SLIT3: variants seen among roughly 807,000 people sequenced by gnomAD.
The protein encoded by SLIT3 is slit homolog 3 protein.
SLIT3 carries 68 observed loss-of-function variants against 184.0 expected under a neutral mutation model. The ratio of observed to expected loss-of-function variants is 0.37; its 90% CI spans 0.30 to 0.45. The LOEUF (loss-of-function observed/expected upper bound fraction) is 0.45, where lower values mean the gene tolerates loss of function less well. SLIT3 is among the 20% of genes least tolerant of loss of function. SLIT3 has a pLI of 1.00. For synonymous variants in SLIT3, 831 were observed against 828.6 expected, an observed-to-expected ratio of 1.00 and a Z score of -0.05; for missense variants, 1,707 against 2,026.0, an observed-to-expected ratio of 0.84 and a Z score of 3.02.
rs769734545 is a variant in SLIT3, at chr5:168,795,598, A to C, written c.936-20T>G. 1 of 1,599,670 alleles carries C rather than the reference A, an allele frequency of 6.3e-7. No homozygotes were observed. The highest frequency in any genetic ancestry group is 8.6e-7 in the Non-Finnish European group (1 of 1,166,818). ...AGGCGTCTGGGAAACAGAGCAGAGAAGAGTGAATTAACCATCCACCTGTCA... is the reference window on the plus strand; with the variant it reads ...AGGCGTCTGGGAAACAGAGCAGAGACGAGTGAATTAACCATCCACCTGTCA... On this transcript the variant is annotated intron_variant, in intron 9 of 35. Coordinates refer to ENST00000519560, the MANE Select transcript of SLIT3 (RefSeq NM_003062.4).
At chr5:169,031,145 G>T (rs17666914) in intron 4 of SLIT3, among the ~76,000 whole-genome samples, 45,274 of 152,032 alleles carry the variant, frequency 0.3, 7,785 homozygotes, top group East Asian at 0.52. Flanking sequence ...ATGGCCCTGG[G>T]AAGCCTTGAA....
chr5:168,841,683 G>T (rs12515440), intron 6 of SLIT3, among the ~76,000 whole-genome samples: 20,542 of 152,114 alleles, frequency 0.14, 1,626 homozygotes, highest in East Asian at 0.25. Flanking sequence ...CAGCCTCGAT[G>T]GAAAGAAGTT....
chr5:169,202,524 A>AT (rs1363706949), intron 3 of SLIT3, among the ~76,000 whole-genome samples: 1 of 152,118 alleles, frequency 6.6e-6, no homozygotes, highest in African/African-American at 2.4e-5. Flanking sequence ...AAAACCTGTG[A>AT]TTTTAACCCC....
intron 5 of SLIT3, among the ~76,000 whole-genome samples, chr5:168,880,055 T>C (rs1215968027): frequency 6.6e-6 from 1 of 152,250 alleles, no homozygotes. Context: ...ACTCACTGAC[T>C]GCGAAGCTCT....
chr5:168,746,081 G>A (rs888805467), intron 20 of SLIT3, among the ~76,000 whole-genome samples: 7 of 152,146 alleles, frequency 4.6e-5, no homozygotes, highest in African/African-American at 1.4e-4. Context: ...ACATAACTTC[G>A]ATATGCACTG....
chr5:169,282,862 C>G (rs1379152064), intron 1 of SLIT3, among the ~76,000 whole-genome samples: 1 of 152,222 alleles, frequency 6.6e-6, no homozygotes, highest in Non-Finnish European at 1.5e-5. Flanking sequence ...TTCTCAAACA[C>G]TGCTGTACAT....
intron 1 of SLIT3, among the ~76,000 whole-genome samples, chr5:169,293,928 A>G (rs1767427762): frequency 1.3e-5 from 2 of 152,234 alleles, no homozygotes; most frequent in Admixed American, 6.5e-5. Flanking sequence ...GATTCCCAAC[A>G]TGAGCATCCA....
rs1761049104 is a variant in SLIT3 at position 168,666,513 on chromosome 5, AGCC to A, written c.4510_4512del (p.Gly1504del). On this transcript the variant is annotated inframe_deletion, in exon 36 of 36. Coordinates refer to ENST00000519560, the MANE Select transcript of SLIT3 (RefSeq NM_003062.4). ...CTCTCCACCTCTTCTACAAACGAGGAGCCGTCCGTGCACTGGAAGACGTATTTC... is the reference window on the plus strand; with the variant it reads ...CTCTCCACCTCTTCTACAAACGAGGAGTCCGTGCACTGGAAGACGTATTTC... 1 of 1,609,446 alleles carries A rather than the reference AGCC, an allele frequency of 6.2e-7. No homozygotes were observed. Among genetic ancestry groups the A allele is most frequent in the Non-Finnish European group, 8.5e-7 (1 of 1,177,696 alleles).
intron 7 of SLIT3, among the ~76,000 whole-genome samples, chr5:168,820,641 G>C (rs924874): frequency 0.27 from 41,301 of 152,098 alleles, 6,256 homozygotes; most frequent in East Asian, 0.43. Context: ...TTTAGATACT[G>C]TAGCACCGAG....
At chr5:169,161,196 C>T (rs1184831673) in intron 4 of SLIT3, among the ~76,000 whole-genome samples, 1 of 152,210 alleles carries the variant, frequency 6.6e-6, no homozygotes, top group Non-Finnish European at 1.5e-5. Context: ...CCAGCGGTGC[C>T]CCAGTCTCCT....
At chr5:168,762,736 C>T (rs1479623353) in intron 14 of SLIT3, 47 bp from the exon 15 acceptor site, 1 of 1,598,912 alleles carries the variant, frequency 6.3e-7, no homozygotes, top group Non-Finnish European at 8.5e-7. Context: ...GAGTTCCACG[C>T]ACAGCCCCAG....
intron 4 of SLIT3, among the ~76,000 whole-genome samples, chr5:168,983,745 A>G (rs1250187115): frequency 6.6e-6 from 1 of 152,256 alleles, no homozygotes; most frequent in Non-Finnish European, 1.5e-5. Context: ...TATTTAAAAC[A>G]GTATAATCTA....
At chr5:169,258,342 C>A (rs1024377417) in intron 1 of SLIT3, among the ~76,000 whole-genome samples, 3 of 152,214 alleles carry the variant, frequency 2.0e-5, no homozygotes, top group African/African-American at 2.4e-5. Context: ...ATTTCCCACT[C>A]CCGTGCCTTG....
At chr5:168,895,034 A>G (rs1349234067) in intron 4 of SLIT3, among the ~76,000 whole-genome samples, 1 of 152,210 alleles carries the variant, frequency 6.6e-6, no homozygotes, top group East Asian at 1.9e-4. Flanking sequence ...CTGAAGATGT[A>G]CAGAAATAAA....
At chr5:169,162,159 T>C (rs1307304677) in intron 4 of SLIT3, among the ~76,000 whole-genome samples, 1 of 152,084 alleles carries the variant, frequency 6.6e-6, no homozygotes, top group Non-Finnish European at 1.5e-5. Context: ...GCCACAGAGA[T>C]GGGATTCGAA....
chr5:169,090,749 G>A (rs1759552896), intron 4 of SLIT3, among the ~76,000 whole-genome samples: 1 of 152,218 alleles, frequency 6.6e-6, no homozygotes, highest in Admixed American at 6.5e-5. Flanking sequence ...CCGGATGGAG[G>A]TGATGCCACC....
At chr5:168,850,919 A>C (rs12523251) in intron 5 of SLIT3, among the ~76,000 whole-genome samples, 24,491 of 152,252 alleles carry the variant, frequency 0.16, 2,382 homozygotes, top group East Asian at 0.26. Context: ...CATCGCTGGG[A>C]AATATCAATA....
At chr5:169,025,175 A>G (rs1756767463) in intron 4 of SLIT3, among the ~76,000 whole-genome samples, 1 of 152,176 alleles carries the variant, frequency 6.6e-6, no homozygotes, top group African/African-American at 2.4e-5. Context: ...TCAGCTGCAG[A>G]GTTAAGAGAG....
intron 29 of SLIT3, among the ~76,000 whole-genome samples, chr5:168,689,012 A>G (rs1761829484): frequency 6.6e-6 from 1 of 152,198 alleles, no homozygotes; most frequent in Non-Finnish European, 1.5e-5. Flanking sequence ...TAAGCAGTGG[A>G]GGTCGGGAGG....
Sources: allele counts gnomAD v4.1 joint callset (sites outside exome capture counted in the v4.1 genomes callset), GRCh38; gene constraint gnomAD v4.1.1; transcripts MANE v1.5; gene names NCBI Gene and HGNC (gene_info 2026-07-23, HGNC 2026-07-21).